KNDC1: variants seen among roughly 807,000 people sequenced by gnomAD.
KNDC1 encodes kinase non-catalytic C-lobe domain-containing protein 1.
In KNDC1, 106 loss-of-function variants were observed where a neutral mutation model predicts 172.8. The ratio of observed to expected loss-of-function variants is 0.61; its 90% CI spans 0.52 to 0.72. KNDC1 has a LOEUF of 0.72. Ranked by LOEUF, KNDC1 falls within the 30% of genes least tolerant of loss-of-function variation. The probability of loss-of-function intolerance (pLI) is 0.00; values close to 1 mark genes in which losing one functional copy is unlikely to be tolerated. For synonymous variants in KNDC1, 1,083 were observed against 1,062.2 expected (o/e 1.02, Z -0.38); for missense variants, 2,325 against 2,394.5 (o/e 0.97, Z 0.61).
intron 11 of KNDC1, 24 bp downstream of exon 11, chr10:133,197,159 C>T (rs542745535): frequency 4.3e-5 from 68 of 1,575,976 alleles, no homozygotes; most frequent in South Asian, 6.7e-5. Flanking sequence ...GCCAGGCCGC[C>T]GCCTCCTCCG....
At chr10:133,219,762 C>A (rs1290515960) in intron 28 of KNDC1, among the ~76,000 whole-genome samples, 193 bp from the exon 29 acceptor site, 1 of 152,222 alleles carries the variant, frequency 6.6e-6, no homozygotes, top group African/African-American at 2.4e-5. Flanking sequence ...AGCTTAAGAC[C>A]CCGCAGGTGT....
At chr10:133,189,703 G>C (rs763177653) in intron 8 of KNDC1, 34 bp downstream of exon 8, 30 of 1,613,802 alleles carry the variant, frequency 1.9e-5, no homozygotes, top group Non-Finnish European at 2.5e-5. Context: ...GCCGAGTCCA[G>C]CACCGGCTCG....
At position 133,183,329 on chromosome 10, in the gene KNDC1, C is replaced by G. The variant is rs1384238870; in HGVS notation, c.361-15C>G. Reference sequence around the variant, plus strand: ...ACGCAGAGACTCTGGAGCTGACAGCCTGTCGTGCCCACAGGCGCACATCTA... The same window carrying G: ...ACGCAGAGACTCTGGAGCTGACAGCGTGTCGTGCCCACAGGCGCACATCTA... On this transcript the variant is annotated splice_polypyrimidine_tract_variant and intron_variant, in intron 3 of 29. Transcript: ENST00000304613. 1 of 1,579,326 alleles carries G rather than the reference C, an allele frequency of 6.3e-7. No homozygotes were observed.
chr10:133,200,382 G>C lies in KNDC1; in HGVS notation c.2911G>C (p.Glu971Gln). ...GQASPSPSTA[E>Q]EAGSQLEGSQ... ...CTGCATTCTCGTCGTCAGCACGGCC[G>C]AGGAGGCTGGGTCACAGCTCGAGGG... Residue 971 changes from glutamate to glutamine, a missense_variant, in exon 16 of 30, where the codon GAG becomes CAG. Glu to Gln is a conservative substitution (Grantham distance 29, BLOSUM62 2). Transcript: ENST00000304613. 6.3e-7 allele frequency: 1 copy of C among 1,591,944 alleles called. No individual in the cohort carries two copies. The highest frequency in any genetic ancestry group is 8.5e-7 in the Non-Finnish European group (1 of 1,170,236).
chr10:133,189,576 C>T, intron 7 of KNDC1, 22 bp from the exon 8 acceptor site: 1 of 1,611,296 alleles, frequency 6.2e-7, no homozygotes, highest in Non-Finnish European at 8.5e-7. Flanking sequence ...GCATACCCGC[C>T]CTGACCCAAG....
At chr10:133,179,472 C>G (rs1299047800) in intron 3 of KNDC1, 2 of 152,334 alleles carry the variant, frequency 1.3e-5, no homozygotes, top group South Asian at 4.1e-4. Flanking sequence ...GGACCCTGAT[C>G]CAAGAATCTC....
rs1853033694 is a variant in KNDC1, at chr10:133,163,215, A to C, written c.102+2646A>C. Among the ~76,000 whole-genome samples, 3 of 152,174 alleles carry C rather than the reference A, an allele frequency of 2.0e-5. No homozygotes were observed. The highest frequency in any genetic ancestry group is 2.0e-4 in the Admixed American group (3 of 15,282). ...CCCCATGGGAATTCAGATGAGACGA[A>C]GAGGGTGCACCGGTTTGGGTGCCAG... On this transcript the variant is annotated intron_variant, in intron 1 of 29. Coordinates refer to ENST00000304613, the MANE Select transcript of KNDC1 (RefSeq NM_152643.8). This position sits in a 1 kb window ranked among gnomAD's most constrained non-coding sequence, Gnocchi z 4.4.
intron 1 of KNDC1, among the ~76,000 whole-genome samples, chr10:133,162,180 C>T (rs1045275726): frequency 2.6e-5 from 4 of 152,326 alleles, no homozygotes; most frequent in African/African-American, 9.6e-5. Context: ...TCGGGTGGTC[C>T]CTGGCCCAAC....
Position 133,175,585 on chromosome 10 carries a change from A to G in KNDC1, c.360+7273A>G, listed in dbSNP as rs72859869. ...TGCATGGGTGAGTAAATGGATGGGT[A>G]GATGGATGGATGGATGGATGGGTGG... On this transcript the variant is annotated intron_variant, in intron 3 of 29. Coordinates refer to ENST00000304613, the MANE Select transcript of KNDC1 (RefSeq NM_152643.8). 3.6e-3 allele frequency among the ~76,000 whole-genome samples: 531 copies of G among 146,316 alleles called. 4 individuals carry two copies. The highest frequency in any genetic ancestry group is 8.8e-3 in the African/African-American group (343 of 38,872).
chr10:133,221,449 G>A (rs890314189), intron 29 of KNDC1, among the ~76,000 whole-genome samples: 1 of 152,120 alleles, frequency 6.6e-6, no homozygotes, highest in Non-Finnish European at 1.5e-5. Context: ...GCCTGTGTCC[G>A]ATGACCCTCA....
chr10:133,201,143 G>C lies in KNDC1; in HGVS notation c.2990-358G>C, dbSNP rs372685089. ...GCTGGGGACCACTTTTTAAATTCCA[G>C]AAGAAAAGAGGAGAGCGTGAGGGGG... On this transcript the variant is annotated intron_variant, in intron 16 of 29. Coordinates refer to ENST00000304613, the MANE Select transcript of KNDC1 (RefSeq NM_152643.8). Among the ~76,000 whole-genome samples, 5 of 152,364 alleles carry C rather than the reference G, an allele frequency of 3.3e-5. No homozygotes were observed. In the South Asian group the frequency reaches 6.2e-4, roughly 19 times the overall value.
In KNDC1 at chr10:133,199,052, G is replaced by A. The variant is rs1200298677; in HGVS notation, c.2544G>A (p.Gly848=). 2 of 1,595,528 alleles carry A rather than the reference G, an allele frequency of 1.3e-6. No individual in the cohort carries two copies. The highest frequency in any genetic ancestry group is 1.7e-6 in the Non-Finnish European group (2 of 1,172,298). The change falls in exon 14 of 30, where the codon GGG becomes GGA. Residue 848 remains glycine (G), a synonymous_variant. Transcript: ENST00000304613. ...ERPGQEPEGP[G]ATPAGERDDQ... is the part of the protein sequence containing the mutation. ...CGGGCCAGGAGCCAGAGGGCCCCGG[G>A]GCCACCCCTGCCGGGGAACGTGATG... is the stretch of plus-strand genomic sequence containing the variant.
rs1296436778 is a variant in KNDC1 at position 133,199,189 on chromosome 10, A to G, written c.2681A>G (p.Gln894Arg). 10 of 1,591,202 alleles carry G rather than the reference A, an allele frequency of 6.3e-6. No individual in the cohort carries two copies. ...LPGRTACPSL[Q>R]EATRLIQEEF... Reference sequence around the variant, plus strand: ...GGGAGGACGGCCTGCCCGTCGCTGCAGGAGGCCACGCGCCTCATCCAGGAG... The same window carrying G: ...GGGAGGACGGCCTGCCCGTCGCTGCGGGAGGCCACGCGCCTCATCCAGGAG... Residue 894 changes from glutamine (Q) to arginine (R), a missense_variant, in exon 14 of 30, where the codon CAG (glutamine) becomes CGG (arginine). Transcript: ENST00000304613.
At chr10:133,182,499 T>C (rs1324353743) in intron 3 of KNDC1, among the ~76,000 whole-genome samples, 1 of 151,922 alleles carries the variant, frequency 6.6e-6, no homozygotes, top group Non-Finnish European at 1.5e-5. Context: ...CCCAGGCAGG[T>C]TCCTGAGCCG....
intron 4 of KNDC1, 67 bp from the exon 5 acceptor site, chr10:133,183,805 C>G: frequency 7.9e-7 from 1 of 1,264,608 alleles, no homozygotes; most frequent in Non-Finnish European, 1.1e-6. Flanking sequence ...CCGGCCGTGT[C>G]GGGTGGGTGG....
At chr10:133,206,472 C>T (rs563839306) in intron 17 of KNDC1, among the ~76,000 whole-genome samples, 72 of 151,798 alleles carry the variant, frequency 4.7e-4, no homozygotes, top group Middle Eastern at 3.4e-3. Context: ...TGGGCACTGC[C>T]CTGTGAGCCT....
chr10:133,207,432 G>C, intron 20 of KNDC1, 81 bp downstream of exon 20: 1 of 1,312,608 alleles, frequency 7.6e-7, no homozygotes, highest in Non-Finnish European at 1.1e-6. Context: ...GCCCTCGCCA[G>C]TCAGCTAGGC....
At chr10:133,210,037 C>T (rs1455671374) in intron 20 of KNDC1, among the ~76,000 whole-genome samples, 9 of 152,098 alleles carry the variant, frequency 5.9e-5, no homozygotes, top group Non-Finnish European at 1.2e-4. Context: ...CCCGAGCTAA[C>T]GGGTCCTGCG....
chr10:133,170,205 G>A (rs117174348), intron 3 of KNDC1, among the ~76,000 whole-genome samples: 4,604 of 152,312 alleles, frequency 0.03, 112 homozygotes, highest in Middle Eastern at 0.061. Flanking sequence ...ACATCTTGGC[G>A]AGGTTTCTCT....
Sources: allele counts gnomAD v4.1 joint callset (sites outside exome capture counted in the v4.1 genomes callset), GRCh38; gene constraint gnomAD v4.1.1; non-coding constraint Gnocchi (gnomAD v3.1); transcripts MANE v1.5; gene names NCBI Gene and HGNC (gene_info 2026-07-23, HGNC 2026-07-21).